The following IL1RAPL1 variants were observed in gnomAD, a reference collection of about 807,000 sequenced individuals.
The protein encoded by IL1RAPL1 is interleukin-1 receptor accessory protein-like 1.
IL1RAPL1 carries 3 observed loss-of-function variants against 48.4 expected under a neutral mutation model. That is an observed-to-expected ratio of 0.06 (90% CI 0.03 to 0.16). The LOEUF (loss-of-function observed/expected upper bound fraction) is 0.16, where lower values mean the gene tolerates loss of function less well. IL1RAPL1 is among the 10% of genes least tolerant of loss of function. IL1RAPL1 has a pLI of 1.00. For synonymous variants in IL1RAPL1, 185 were observed against 187.7 expected, an observed-to-expected ratio of 0.99 and a Z score of 0.12; for missense variants, 349 against 530.6, an observed-to-expected ratio of 0.66 and a Z score of 3.36.
intron 2 of IL1RAPL1, among the ~76,000 whole-genome samples, chrX:29,009,153 A>G (rs767086235): frequency 8.9e-6 from 1 of 112,218 alleles, no homozygotes; most frequent in South Asian, 3.7e-4. Flanking sequence ...CATTGGGTAC[A>G]CATAGACAAA....
At chrX:29,791,080 C>T (rs1198234176) in intron 6 of IL1RAPL1, among the ~76,000 whole-genome samples, 1 of 110,766 alleles carries the variant, frequency 9.0e-6, no homozygotes, top group African/African-American at 3.3e-5. Context: ...TCTAAGGTCT[C>T]GGATGCCACC....
chrX:29,871,536 C>A (rs1212198819), intron 6 of IL1RAPL1, among the ~76,000 whole-genome samples: 1 of 111,876 alleles, frequency 8.9e-6, no homozygotes, highest in East Asian at 2.8e-4. Flanking sequence ...TAGTGTCTGA[C>A]CTGAAAGTGA....
intron 1 of IL1RAPL1, among the ~76,000 whole-genome samples, chrX:28,635,821 C>T (rs774713041): frequency 3.2e-4 from 36 of 110,912 alleles, no homozygotes; most frequent in African/African-American, 1.1e-3. Context: ...ATGTGTAGCC[C>T]GGCAGGCATG....
At chrX:29,733,694 C>CT (rs1224893868) in intron 6 of IL1RAPL1, among the ~76,000 whole-genome samples, 2 of 112,495 alleles carry the variant, frequency 1.8e-5, no homozygotes, top group Non-Finnish European at 3.8e-5. Flanking sequence ...GGCATATGCT[C>CT]TTTTTTAGCA....
intron 2 of IL1RAPL1, among the ~76,000 whole-genome samples, chrX:28,868,574 T>G (rs1261984298): frequency 9.0e-6 from 1 of 111,225 alleles, no homozygotes; most frequent in African/African-American, 3.3e-5. Flanking sequence ...TTGCTACCTG[T>G]GTTCCTACCC....
chrX:29,623,045 C>A (rs1407986638), intron 5 of IL1RAPL1, among the ~76,000 whole-genome samples: 1 of 105,218 alleles, frequency 9.5e-6, no homozygotes, highest in Non-Finnish European at 1.9e-5. Flanking sequence ...CCGAGGCGGG[C>A]GGATCACGAG....
chrX:29,218,382 C>T (rs1000028792), intron 2 of IL1RAPL1, among the ~76,000 whole-genome samples: 3 of 111,282 alleles, frequency 2.7e-5, no homozygotes, highest in Non-Finnish European at 5.7e-5. Flanking sequence ...CCTCATATCT[C>T]CTAGGTAAGA....
intron 5 of IL1RAPL1, among the ~76,000 whole-genome samples, chrX:29,643,101 C>T (rs1225742047): frequency 8.9e-6 from 1 of 112,243 alleles, no homozygotes; most frequent in African/African-American, 3.2e-5. Context: ...ATGTGGCTAA[C>T]ATTGTTGGAT....
chrX:28,909,117 AGTCTT>A (rs1347333367), intron 2 of IL1RAPL1, among the ~76,000 whole-genome samples: 1 of 111,538 alleles, frequency 9.0e-6, no homozygotes, highest in Non-Finnish European at 1.9e-5. Context: ...CATCAAGTTC[AGTCTT>A]GTCTTCTCAT....
At chrX:29,723,412 C>T (rs770372274) in intron 6 of IL1RAPL1, among the ~76,000 whole-genome samples, 2 of 111,739 alleles carry the variant, frequency 1.8e-5, no homozygotes, top group Non-Finnish European at 3.8e-5. Flanking sequence ...CCACGCCTGG[C>T]TTATTTTTGT....
Position 29,426,027 on chromosome X carries a change from A to G in IL1RAPL1, c.703+26719A>G, listed in dbSNP as rs780691270. 3.6e-3 allele frequency among the ~76,000 whole-genome samples: 402 copies of G among 111,684 alleles called. 5 individuals are homozygous for G. The highest frequency in any genetic ancestry group is 0.012 in the African/African-American group (383 of 30,770). ...GCCAGATACATTTGCATTTACTTCT[A>G]TAAATCACAGCTATCATTGTTTTTC... On this transcript the variant is annotated intron_variant, in intron 5 of 10. Transcript: ENST00000378993.
At chrX:29,123,749 C>A (rs1438163889) in intron 2 of IL1RAPL1, among the ~76,000 whole-genome samples, 1 of 111,383 alleles carries the variant, frequency 9.0e-6, no homozygotes, top group Non-Finnish European at 1.9e-5. Flanking sequence ...AGCCACTGGC[C>A]CCATGTGGCT....
intron 6 of IL1RAPL1, among the ~76,000 whole-genome samples, chrX:29,837,508 G>A (rs898979726): frequency 9.1e-6 from 1 of 109,852 alleles, no homozygotes; most frequent in African/African-American, 3.3e-5. Context: ...AAGCAAACAA[G>A]CAATAAAATT....
chrX:29,913,909 T>C (rs1404114049), intron 6 of IL1RAPL1, among the ~76,000 whole-genome samples: 1 of 111,814 alleles, frequency 8.9e-6, no homozygotes, highest in African/African-American at 3.3e-5. Context: ...TCGTCTACAC[T>C]TTAGCTTCAG....
intron 3 of IL1RAPL1, among the ~76,000 whole-genome samples, chrX:29,296,521 CTT>C (rs142798467): frequency 4.8e-4 from 49 of 101,546 alleles, no homozygotes; most frequent in Admixed American, 4.3e-4. Context: ...GGACAACCTT[CTT>C]TTTTTTTTTT....
rs140660109 is a variant in IL1RAPL1 at position 29,270,781 on chromosome X, T to A, written c.83-12157T>A. 5.4e-3 allele frequency among the ~76,000 whole-genome samples: 604 copies of A among 112,192 alleles called. 3 individuals carry two copies. Among genetic ancestry groups the A allele is most frequent in the African/African-American group, 0.018 (571 of 30,926 alleles). ...ATAGCAGGTACTTAACATTTTCATGTGAATTTTAGAATTAGTATGCCCATT... is the reference window on the plus strand; with the variant it reads ...ATAGCAGGTACTTAACATTTTCATGAGAATTTTAGAATTAGTATGCCCATT... On this transcript the variant is annotated intron_variant, in intron 2 of 10. Coordinates refer to ENST00000378993, the MANE Select transcript of IL1RAPL1 (RefSeq NM_014271.4).
At chrX:28,858,703 T>G (rs1292561672) in intron 2 of IL1RAPL1, among the ~76,000 whole-genome samples, 1 of 112,628 alleles carries the variant, frequency 8.9e-6, no homozygotes, top group Non-Finnish European at 1.9e-5. Context: ...CCAAAAAAAT[T>G]TGCGCAACTC....
chrX:28,907,774 A>G (rs1923257569), intron 2 of IL1RAPL1, among the ~76,000 whole-genome samples: 1 of 111,894 alleles, frequency 8.9e-6, no homozygotes, highest in Admixed American at 9.5e-5. Context: ...GATAGGAACA[A>G]TTTTCTTTAC....
Position 29,451,298 on chromosome X carries a change from G to A in IL1RAPL1, c.703+51990G>A, listed in dbSNP as rs988176495. ...CAACCTCCACTTCCCAGGTTCAAGC[G>A]ATTCTTCTGATTCAGCCACACAAGT... On this transcript the variant is annotated intron_variant, in intron 5 of 10. Coordinates refer to ENST00000378993, the MANE Select transcript of IL1RAPL1 (RefSeq NM_014271.4). Among the ~76,000 whole-genome samples the A allele has an allele frequency of 4.6e-5, 5 of 109,081 alleles. No homozygotes were observed. The Admixed American group carries it at 4.9e-4, about 11-fold the overall frequency. The allele number at this position is 109,081 out of a possible 115,157, so 94.7% of individuals were successfully genotyped here.
Sources: allele counts gnomAD v4.1 joint callset (sites outside exome capture counted in the v4.1 genomes callset), GRCh38; gene constraint gnomAD v4.1.1; transcripts MANE v1.5; gene names NCBI Gene and HGNC (gene_info 2026-07-23, HGNC 2026-07-21).